The following AGBL1 variants were observed in gnomAD, a reference collection of about 807,000 sequenced individuals.
AGBL1 encodes the protein AGBL carboxypeptidase 1, also known as cytosolic carboxypeptidase 4.
Under a neutral mutation model 118.9 loss-of-function variants are expected in AGBL1, and 130 were observed. The ratio of observed to expected loss-of-function variants is 1.09; its 90% CI spans 0.95 to 1.26. The LOEUF (loss-of-function observed/expected upper bound fraction) is 1.26. Among genes scored for constraint, AGBL1 ranks in the 50% most tolerant of loss-of-function variants. The pLI is 0.00. For missense variants in AGBL1, 1,584 were observed against 1,298.1 expected (o/e 1.22, Z -3.38); for synonymous variants, 555 against 478.9 (o/e 1.16, Z -2.08).
intron 22 of AGBL1, among the ~76,000 whole-genome samples, chr15:86,889,455 T>C (rs191280466): frequency 3.0e-4 from 45 of 152,258 alleles, no homozygotes; most frequent in Non-Finnish European, 3.4e-4. Flanking sequence ...GGTGAACATG[T>C]GCTATGGTGG....
At chr15:86,161,598 C>G (rs2077267986) in intron 5 of AGBL1, among the ~76,000 whole-genome samples, 1 of 152,270 alleles carries the variant, frequency 6.6e-6, no homozygotes, top group Non-Finnish European at 1.5e-5. Context: ...TTAAAGTTTG[C>G]TTAAATTTCT....
chr15:86,475,761 A>G (rs1301649816), intron 18 of AGBL1, among the ~76,000 whole-genome samples: 1 of 152,216 alleles, frequency 6.6e-6, no homozygotes, highest in Admixed American at 6.5e-5. Context: ...CAACTTCAAG[A>G]CACATAATTG....
intron 21 of AGBL1, among the ~76,000 whole-genome samples, chr15:86,585,568 G>C (rs959951654): frequency 6.6e-6 from 1 of 151,996 alleles, no homozygotes; most frequent in Admixed American, 6.6e-5. Context: ...GTTTCACTAT[G>C]TTTCCCAGGC....
At chr15:86,777,966 TC>T (rs1393617889) in intron 22 of AGBL1, among the ~76,000 whole-genome samples, 7 of 152,222 alleles carry the variant, frequency 4.6e-5, no homozygotes, top group African/African-American at 1.7e-4. Context: ...CGGGCGAAGT[TC>T]ACCCCCAATA....
At chr15:86,279,846 G>T (rs2079320672) in intron 16 of AGBL1, 63 bp downstream of exon 16, 1 of 1,572,788 alleles carries the variant, frequency 6.4e-7, no homozygotes, top group Non-Finnish European at 8.7e-7. Context: ...GTTTTCCTGG[G>T]AACATTTTGG....
chr15:86,827,359 ATATGTGTGTG>A (rs1316031101), intron 22 of AGBL1, among the ~76,000 whole-genome samples: 516 of 11,710 alleles, frequency 0.044, 93 homozygotes, highest in East Asian at 0.31. Context: ...ATATATATAT[ATATGTGTGTG>A]TATATATATA....
intron 21 of AGBL1, among the ~76,000 whole-genome samples, chr15:86,562,900 A>T (rs1458288384): frequency 6.6e-6 from 1 of 152,018 alleles, no homozygotes; most frequent in Non-Finnish European, 1.5e-5. Context: ...GAGTTTATCC[A>T]TGTCTTCTAG....
intron 18 of AGBL1, among the ~76,000 whole-genome samples, chr15:86,448,591 G>A (rs956465841): frequency 6.6e-6 from 1 of 152,232 alleles, no homozygotes; most frequent in African/African-American, 2.4e-5. Flanking sequence ...TATGACAGTT[G>A]TGTCTAGAGT....
At chr15:86,873,152 G>C (rs1399698552) in intron 22 of AGBL1, among the ~76,000 whole-genome samples, 2 of 152,174 alleles carry the variant, frequency 1.3e-5, no homozygotes, top group African/African-American at 2.4e-5. Context: ...CTCTGCAGGA[G>C]CAATTAATTT....
chr15:86,636,702 CATATATATATATATATAT>C (rs1157674222), intron 21 of AGBL1, among the ~76,000 whole-genome samples: 621 of 26,738 alleles, frequency 0.023, 18 homozygotes, highest in Middle Eastern at 0.062. Flanking sequence ...AACCACCAGT[CATATATATATATATATAT>C]ATATATATAT....
intron 23 of AGBL1, among the ~76,000 whole-genome samples, chr15:86,975,993 T>C (rs1015391016): frequency 5.3e-5 from 8 of 152,134 alleles, no homozygotes; most frequent in African/African-American, 1.9e-4. Flanking sequence ...TAGCTGAGTA[T>C]GTGAATGAAT....
chr15:86,757,766 T>A (rs1015990257), intron 22 of AGBL1, among the ~76,000 whole-genome samples: 2 of 152,124 alleles, frequency 1.3e-5, no homozygotes, highest in East Asian at 1.9e-4. Flanking sequence ...TGGCCCATTA[T>A]GCCTCTCTAA....
At chr15:86,612,546 A>G (rs575673754) in intron 21 of AGBL1, among the ~76,000 whole-genome samples, 5 of 152,302 alleles carry the variant, frequency 3.3e-5, no homozygotes, top group South Asian at 2.1e-4. Flanking sequence ...CTGACAAAAC[A>G]GACTCATTAT....
chr15:86,567,268 A>G (rs2083930560), intron 21 of AGBL1, among the ~76,000 whole-genome samples: 1 of 152,310 alleles, frequency 6.6e-6, no homozygotes, highest in South Asian at 2.1e-4. Flanking sequence ...TGGCTTTCAT[A>G]GACACTAATA....
intron 17 of AGBL1, among the ~76,000 whole-genome samples, chr15:86,375,436 C>T (rs1482049544): frequency 2.6e-5 from 4 of 152,090 alleles, no homozygotes; most frequent in South Asian, 2.1e-4. Context: ...GTCACCCCCC[C>T]ACCAGGTCCC....
At chr15:86,674,470 ACCT>A in intron 22 of AGBL1, 34 bp downstream of exon 22, 1 of 1,580,992 alleles carries the variant, frequency 6.3e-7, no homozygotes, top group Non-Finnish European at 8.6e-7. Context: ...AGAAATTTGG[ACCT>A]TGGTGGTTCC....
Position 86,908,047 on chromosome 15 carries a change from A to G in AGBL1, c.*753A>G, listed in dbSNP as rs142757877. On this transcript the variant is annotated 3_prime_UTR_variant, in exon 23 of 23. Transcript: ENST00000614907. ...TTATTCATTTCAGAATCTGACAGAT[A>G]TGGTTCATATGCTAGATCTGGCAGT... is the stretch of plus-strand genomic sequence containing the variant. 1 of 152,340 alleles carries G rather than the reference A, an allele frequency of 6.6e-6. No individual in the cohort carries two copies. Among genetic ancestry groups the G allele is most frequent in the African/African-American group, 2.4e-5 (1 of 41,570 alleles). The allele number at this position is 152,340 out of a possible 1,614,324, so 9.4% of individuals were successfully genotyped here.
intron 17 of AGBL1, among the ~76,000 whole-genome samples, chr15:86,379,441 A>G (rs1374048333): frequency 2.0e-5 from 3 of 152,342 alleles, no homozygotes; most frequent in South Asian, 2.1e-4. Context: ...AGATATGGCC[A>G]TACCAATAAT....
intron 21 of AGBL1, among the ~76,000 whole-genome samples, chr15:86,618,120 CA>C (rs1468765670): frequency 2.6e-5 from 4 of 152,116 alleles, no homozygotes; most frequent in Non-Finnish European, 4.4e-5. Context: ...TTATAACCAA[CA>C]AACAGAAATA....
Sources: allele counts gnomAD v4.1 joint callset (sites outside exome capture counted in the v4.1 genomes callset), GRCh38; gene constraint gnomAD v4.1.1; transcripts MANE v1.5; gene names NCBI Gene and HGNC (gene_info 2026-07-23, HGNC 2026-07-21).